MAP3K20: variants seen among roughly 807,000 people sequenced by gnomAD.
The protein encoded by MAP3K20 is mitogen-activated protein kinase kinase kinase 20.
MAP3K20 carries 40 observed loss-of-function variants against 85.7 expected under a neutral mutation model. That is an observed-to-expected ratio of 0.47 (90% CI 0.36 to 0.61). MAP3K20 has a LOEUF of 0.61. Among genes scored for constraint, MAP3K20 ranks in the 20% least tolerant of loss-of-function variants. The pLI, the probability that MAP3K20 is intolerant of heterozygous loss-of-function variation, is 0.00. For synonymous variants in MAP3K20, 325 were observed against 327.7 expected (o/e 0.99, Z 0.09); for missense variants, 817 against 961.7 (o/e 0.85, Z 1.99).
rs141780135 is a variant in MAP3K20, at chr2:173,193,076, G to A, written c.582+1899G>A. ...ACCTCCCTGGAACAAGAGGGCTTGG[G>A]AAGATGAGCAGCGTGGTTTAGGAAC... On this transcript the variant is annotated intron_variant, in intron 7 of 19. Coordinates refer to ENST00000375213, the MANE Select transcript of MAP3K20 (RefSeq NM_016653.3). 3.8e-3 allele frequency: 579 copies of A among 152,366 alleles called. 2 individuals are homozygous for A. The highest frequency in any genetic ancestry group is 6.3e-3 in the Non-Finnish European group (426 of 68,048). 9.4% of individuals were successfully genotyped at this position (152,366 alleles called of 1,614,324 possible).
intron 10 of MAP3K20, among the ~76,000 whole-genome samples, chr2:173,215,138 G>GA (rs573945364): frequency 1.7e-3 from 253 of 152,316 alleles, no homozygotes; most frequent in African/African-American, 5.7e-3. Context: ...AAGTGAAATA[G>GA]AATGTAGTGG....
chr2:173,249,938 A>G (rs951220550), intron 16 of MAP3K20, among the ~76,000 whole-genome samples: 2 of 152,136 alleles, frequency 1.3e-5, no homozygotes, highest in African/African-American at 2.4e-5. Flanking sequence ...TTTTTCATAC[A>G]TAACTCAAAT....
At chr2:173,253,847 C>T (rs1685095756) in intron 16 of MAP3K20, among the ~76,000 whole-genome samples, 1 of 151,890 alleles carries the variant, frequency 6.6e-6, no homozygotes, top group Non-Finnish European at 1.5e-5. Flanking sequence ...GCAGGAGGAC[C>T]ACTTGAGCCC....
rs1238574579 is a variant in MAP3K20 at position 173,266,525 on chromosome 2, G to A, written c.2178G>A (p.Gln726=). The change falls in exon 20 of 20, where the codon CAG becomes CAA. Residue 726 remains glutamine, a synonymous_variant. Coordinates refer to ENST00000375213, the MANE Select transcript of MAP3K20 (RefSeq NM_016653.3). ...CTCAGTCAGCACTCAATCCTCACCA[G>A]TCGCCTGACTTCAAGAGAAGCCCCA... The part of the protein sequence containing the change: ...RVSQSALNPH[Q]SPDFKRSPRD... 7 of 1,613,948 alleles carry A rather than the reference G, an allele frequency of 4.3e-6. No homozygotes were observed. The highest frequency in any genetic ancestry group is 5.9e-6 in the Non-Finnish European group (7 of 1,179,970).
At chr2:173,140,929 T>C (rs1688953003) in intron 2 of MAP3K20, among the ~76,000 whole-genome samples, 2 of 152,184 alleles carry the variant, frequency 1.3e-5, no homozygotes, top group African/African-American at 4.8e-5. Context: ...TTGAAAAATA[T>C]ATAGGTTCTC....
intron 11 of MAP3K20, chr2:173,224,630 G>C: frequency 1.0e-6 from 1 of 985,062 alleles, no homozygotes; most frequent in Non-Finnish European, 1.2e-6. Flanking sequence ...TCAGTGAAGA[G>C]CTTAAAATTG....
chr2:173,154,763 AGGAGAGG>A (rs1378174537), intron 2 of MAP3K20, among the ~76,000 whole-genome samples: 1 of 152,210 alleles, frequency 6.6e-6, no homozygotes, highest in East Asian at 1.9e-4. Context: ...CAGAATGTTA[AGGAGAGG>A]CATGGTTACA....
At chr2:173,241,699 C>A (rs1287679181) in intron 16 of MAP3K20, among the ~76,000 whole-genome samples, 1 of 152,050 alleles carries the variant, frequency 6.6e-6, no homozygotes, top group African/African-American at 2.4e-5. Flanking sequence ...TTAAAGATGC[C>A]CTTTCTAGAC....
intron 16 of MAP3K20, among the ~76,000 whole-genome samples, chr2:173,255,638 A>G (rs1431919119): frequency 7.2e-5 from 11 of 152,006 alleles, no homozygotes; most frequent in Non-Finnish European, 1.5e-4. Flanking sequence ...CGGTGTGCAG[A>G]GGAGGGTCTG....
chr2:173,259,605 G>C (rs1472068881), intron 17 of MAP3K20, among the ~76,000 whole-genome samples: 1 of 152,174 alleles, frequency 6.6e-6, no homozygotes, highest in Non-Finnish European at 1.5e-5. Flanking sequence ...AAAGGACCCA[G>C]ATACAAACAC....
intron 3 of MAP3K20, among the ~76,000 whole-genome samples, chr2:173,182,544 T>G (rs1387089264): frequency 6.6e-6 from 1 of 152,204 alleles, no homozygotes; most frequent in Non-Finnish European, 1.5e-5. Context: ...TTTAAAGAAA[T>G]ACCTATTTAT....
intron 2 of MAP3K20, among the ~76,000 whole-genome samples, chr2:173,113,683 C>T (rs550817644): frequency 5.3e-5 from 8 of 152,190 alleles, no homozygotes; most frequent in African/African-American, 1.9e-4. Context: ...ATTTAATTTC[C>T]ATGTATTTGC....
intron 16 of MAP3K20, among the ~76,000 whole-genome samples, chr2:173,243,340 G>A (rs997723770): frequency 3.3e-5 from 5 of 152,164 alleles, no homozygotes; most frequent in African/African-American, 1.2e-4. Flanking sequence ...AGAATGACTA[G>A]GTAAGGAGAG....
chr2:173,149,459 CCT>C (rs1462104270), intron 2 of MAP3K20, among the ~76,000 whole-genome samples: 1 of 151,588 alleles, frequency 6.6e-6, no homozygotes, highest in African/African-American at 2.4e-5. Flanking sequence ...TGGGAACACT[CCT>C]ATATTTTTCT....
intron 7 of MAP3K20, among the ~76,000 whole-genome samples, chr2:173,195,603 T>TAACAA (rs1322164441): frequency 6.6e-6 from 1 of 152,218 alleles, no homozygotes; most frequent in Non-Finnish European, 1.5e-5. Flanking sequence ...ACTTCCTCAG[T>TAACAA]AAAGTTACTT....
intron 18 of MAP3K20, among the ~76,000 whole-genome samples, chr2:173,263,492 A>C (rs1018684380): frequency 2.0e-5 from 3 of 152,244 alleles, no homozygotes; most frequent in Admixed American, 1.3e-4. Flanking sequence ...TTATGTTATA[A>C]TCCATTAAGG....
intron 10 of MAP3K20, chr2:173,212,007 C>CA (rs1683914044): frequency 6.6e-6 from 1 of 152,168 alleles, no homozygotes; most frequent in Admixed American, 6.5e-5. Flanking sequence ...GTTCATCACT[C>CA]ACAGCATCAA....
intron 2 of MAP3K20, among the ~76,000 whole-genome samples, chr2:173,094,885 C>T (rs1407889824): frequency 6.6e-6 from 1 of 152,100 alleles, no homozygotes; most frequent in Non-Finnish European, 1.5e-5. Context: ...AATAATTAAG[C>T]TATTGGTAGA....
chr2:173,210,394 G>A (rs930641461), intron 10 of MAP3K20: 1 of 153,540 alleles, frequency 6.5e-6, no homozygotes, highest in African/African-American at 2.4e-5. Flanking sequence ...TGAGACAAAA[G>A]ATGGTTACCA....
Sources: gnomAD v4.1 joint callset for allele counts (sites outside exome capture counted in the v4.1 genomes callset) on GRCh38, gnomAD v4.1.1 for gene constraint, MANE v1.5 for transcripts, NCBI Gene and HGNC (gene_info 2026-07-23, HGNC 2026-07-21) for gene names.